The following DEPDC5 variants were observed in gnomAD, a reference collection of about 807,000 sequenced individuals.
DEPDC5 encodes DEP domain containing 5, GATOR1 subcomplex subunit, also known as GATOR1 complex protein DEPDC5.
A neutral mutation model predicts 217.3 loss-of-function variants in DEPDC5; 73 were observed. The observed-to-expected ratio is 0.34, with a 90% CI of 0.28 to 0.41. The LOEUF (loss-of-function observed/expected upper bound fraction) is 0.41, where lower values mean the gene tolerates loss of function less well. DEPDC5 is among the 10% of genes least tolerant of loss of function. DEPDC5 has a pLI of 1.00. For synonymous variants in DEPDC5, 733 were observed against 756.7 expected (o/e 0.97, Z 0.51); for missense variants, 1,675 against 2,070.1 (o/e 0.81, Z 3.70).
intron 10 of DEPDC5, 197 bp downstream of exon 10, chr22:31,785,072 A>G (rs2084843055): frequency 2.0e-6 from 1 of 506,078 alleles, no homozygotes; most frequent in Non-Finnish European, 3.5e-6. Context: ...CTCAATGGTA[A>G]AAGACTGAAA....
intron 7 of DEPDC5, among the ~76,000 whole-genome samples, chr22:31,776,787 C>T (rs1158883789): frequency 6.6e-6 from 1 of 151,696 alleles, no homozygotes; most frequent in East Asian, 1.9e-4. Context: ...ATTGGCCAGG[C>T]TGGTCTTGAA....
At chr22:31,777,033 G>A (rs944558297) in intron 7 of DEPDC5, among the ~76,000 whole-genome samples, 1 of 151,712 alleles carries the variant, frequency 6.6e-6, no homozygotes, top group African/African-American at 2.4e-5. Flanking sequence ...TGCGATCTCG[G>A]CTCACTGAAA....
At chr22:31,882,108 G>A (rs1405326899) in intron 38 of DEPDC5, among the ~76,000 whole-genome samples, 2 of 152,168 alleles carry the variant, frequency 1.3e-5, no homozygotes, top group African/African-American at 4.8e-5. Context: ...GATAAGTACA[G>A]TGTTAATCAT....
chr22:31,813,000 A>G (rs889534867), intron 20 of DEPDC5, among the ~76,000 whole-genome samples: 1 of 152,098 alleles, frequency 6.6e-6, no homozygotes, highest in African/African-American at 2.4e-5. Context: ...TTGGCCTCCA[A>G]AAGTGCTAGG....
At chr22:31,870,451 G>C in intron 33 of DEPDC5, 139 bp from the exon 34 acceptor site, 1 of 960,188 alleles carries the variant, frequency 1.0e-6, no homozygotes, top group Non-Finnish European at 1.4e-6. Context: ...GTGGGAATGA[G>C]CAGAATGGGA....
chr22:31,859,900 G>A (rs1205270475), intron 32 of DEPDC5, among the ~76,000 whole-genome samples: 1 of 152,162 alleles, frequency 6.6e-6, no homozygotes, highest in Non-Finnish European at 1.5e-5. Context: ...CAGCACCTCT[G>A]CTTCTATATG....
intron 38 of DEPDC5, chr22:31,891,082 T>A (rs995526945): frequency 1.4e-5 from 4 of 289,244 alleles, no homozygotes; most frequent in Non-Finnish European, 7.0e-6. Flanking sequence ...TCAAAAATAA[T>A]ACCACAGAAC....
chr22:31,788,644 G>T (rs947501127), intron 10 of DEPDC5, among the ~76,000 whole-genome samples: 1 of 151,224 alleles, frequency 6.6e-6, no homozygotes, highest in Non-Finnish European at 1.5e-5. Flanking sequence ...TGTGATCTCG[G>T]CCCACTGCAA....
At chr22:31,843,543 A>G in intron 28 of DEPDC5, 102 bp from the exon 29 acceptor site, 1 of 1,392,018 alleles carries the variant, frequency 7.2e-7, no homozygotes, top group South Asian at 1.5e-5. Context: ...TTGAGGGGTA[A>G]ATGTCAAGGA....
intron 32 of DEPDC5, among the ~76,000 whole-genome samples, chr22:31,860,055 C>A (rs1423098163): frequency 6.6e-6 from 1 of 152,156 alleles, no homozygotes; most frequent in African/African-American, 2.4e-5. Context: ...AAATTATAGT[C>A]GCAAATATAT....
rs557399388 is a variant in DEPDC5, at chr22:31,861,302, G to A, written c.3265-66G>A. The A allele has an allele frequency of 8.9e-6, 13 of 1,457,934 alleles. No homozygotes were observed. In the East Asian group the frequency reaches 2.7e-4, roughly 31 times the overall value. 90.3% of individuals were successfully genotyped at this position (1,457,934 alleles called of 1,614,324 possible). On this transcript the variant is annotated intron_variant, in intron 32 of 42. Coordinates refer to ENST00000651528, the MANE Select transcript of DEPDC5 (RefSeq NM_001242896.3). ...CTCCTTCCCCTGATGGTTAACCACT[G>A]GTACACATTCCGTTTCTTCGCTTCC... is the stretch of plus-strand genomic sequence containing the variant.
intron 24 of DEPDC5, among the ~76,000 whole-genome samples, chr22:31,825,658 T>G (rs116405089): frequency 0.023 from 3,444 of 152,290 alleles, 116 homozygotes; most frequent in African/African-American, 0.073. Context: ...GTGGCCAGGA[T>G]TATTGCAGTA....
intron 19 of DEPDC5, 89 bp downstream of exon 19, chr22:31,809,736 T>G (rs1346492987): frequency 7.1e-7 from 1 of 1,412,786 alleles, no homozygotes; most frequent in Non-Finnish European, 9.9e-7. Context: ...TCCCAGCACT[T>G]TGGGAGGCCA....
chr22:31,807,335 T>C (rs79413856), intron 18 of DEPDC5, among the ~76,000 whole-genome samples: 11,026 of 152,278 alleles, frequency 0.072, 499 homozygotes, highest in South Asian at 0.19. Flanking sequence ...TTGAAAACAA[T>C]AGATCAATGG....
chr22:31,875,749 T>G (rs980713100), intron 36 of DEPDC5: 6 of 151,144 alleles, frequency 4.0e-5, no homozygotes, highest in African/African-American at 1.5e-4. Context: ...TTCTCCTGCC[T>G]CAGCCTCCCG....
chr22:31,818,954 T>C lies in DEPDC5; in HGVS notation c.1667-68T>C, dbSNP rs545861965. 658 of 1,538,724 alleles carry C rather than the reference T, an allele frequency of 4.3e-4. No individual in the cohort carries two copies. In the African/African-American group the frequency reaches 8.4e-3, roughly 20 times the overall value. The stretch of plus-strand genomic sequence containing the variant: ...TCTTGTCAGCCTTGGTTTATCATTC[T>C]ACCTAGCTCTGGTTTCACTGTGGTT... On this transcript the variant is annotated intron_variant, in intron 21 of 42. Coordinates refer to ENST00000651528, the MANE Select transcript of DEPDC5 (RefSeq NM_001242896.3).
At chr22:31,770,071 G>GAA (rs759866602) in intron 7 of DEPDC5, among the ~76,000 whole-genome samples, 2,028 of 106,548 alleles carry the variant, frequency 0.019, 14 homozygotes, top group South Asian at 0.037. Flanking sequence ...AAAAAAAAGA[G>GAA]AAAAAAAAAA....
Position 31,906,055 on chromosome 22 carries a change from T to C in DEPDC5, c.4508T>C (p.Ile1503Thr). 3 of 1,614,154 alleles carry C rather than the reference T, an allele frequency of 1.9e-6. No homozygotes were observed. Among genetic ancestry groups the C allele is most frequent in the Non-Finnish European group, 2.5e-6 (3 of 1,180,030 alleles). ...NFPAENKPQY[I>T]HVTGTVFLQL... ...CCTGCTGAGAACAAGCCTCAGTATATCCACGTTACAGGTGAGGAGCTACGG... is the reference window on the plus strand; with the variant it reads ...CCTGCTGAGAACAAGCCTCAGTATACCCACGTTACAGGTGAGGAGCTACGG... The change falls in exon 42 of 43, where the codon ATC becomes ACC. Residue 1503 changes from isoleucine (I) to threonine (T), a missense_variant. Physicochemically the swap from Ile to Thr is moderately conservative, Grantham distance 89. This residue lies in a region of DEPDC5 where 182 missense variants were observed against 290.1 expected (regional missense o/e 0.63). Transcript: ENST00000651528. The surrounding 1 kb of genome is among the most constrained non-coding windows in gnomAD (Gnocchi z 5.1).
At position 31,791,753 on chromosome 22, in the gene DEPDC5, C is replaced by T. The variant is rs111268017; in HGVS notation, c.625-280C>T. On this transcript the variant is annotated intron_variant, in intron 10 of 42. Transcript: ENST00000651528. ...ACCATCTTGGCCAACATGGTGAAAC[C>T]GCATCTCTACTAAAAATACAAAAAT... is the stretch of plus-strand genomic sequence containing the variant. 0.021 allele frequency among the ~76,000 whole-genome samples: 3,117 copies of T among 151,308 alleles called. 94 individuals carry two copies. The highest frequency in any genetic ancestry group is 0.065 in the African/African-American group (2,671 of 41,176).
Sources: allele counts gnomAD v4.1 joint callset (sites outside exome capture counted in the v4.1 genomes callset), GRCh38; gene constraint gnomAD v4.1.1; regional missense constraint gnomAD v4.1.1; non-coding constraint Gnocchi (gnomAD v3.1); transcripts MANE v1.5; gene names NCBI Gene and HGNC (gene_info 2026-07-23, HGNC 2026-07-21).